RAB12: variants seen among roughly 807,000 people sequenced by gnomAD.
RAB12 encodes the protein ras-related protein Rab-12.
RAB12 carries 11 observed loss-of-function variants against 28.4 expected under a neutral mutation model. The observed-to-expected ratio is 0.39, with a 90% CI of 0.24 to 0.64. The LOEUF is 0.64. RAB12 is among the 30% of genes least tolerant of loss of function. The pLI is 0.50. For missense variants in RAB12, 276 were observed against 351.1 expected, an observed-to-expected ratio of 0.79 and a Z score of 1.71; for synonymous variants, 138 against 145.3, an observed-to-expected ratio of 0.95 and a Z score of 0.36.
At chr18:8,634,702 A>C (rs1347602646) in intron 3 of RAB12, among the ~76,000 whole-genome samples, 1 of 152,194 alleles carries the variant, frequency 6.6e-6, no homozygotes, top group African/African-American at 2.4e-5. Flanking sequence ...CCATTGCCCC[A>C]GCCCTGCGGT....
Position 8,609,969 on chromosome 18 carries a change from C to T in RAB12, c.514+16C>T, listed in dbSNP as rs531178191. 2 of 1,596,372 alleles carry T rather than the reference C, an allele frequency of 1.3e-6. No homozygotes were observed. Among genetic ancestry groups the T allele is most frequent in the South Asian group, 1.1e-5 (1 of 89,780 alleles). On this transcript the variant is annotated intron_variant, in intron 1 of 5. Coordinates refer to ENST00000649141, the MANE Select transcript of RAB12 (RefSeq NM_001025300.3). ...TCCACCGTGGGTAAGGGCGCCACGGCGACCCTGGGCCGGGCCTCCTGGCGC... is the reference window on the plus strand; with the variant it reads ...TCCACCGTGGGTAAGGGCGCCACGGTGACCCTGGGCCGGGCCTCCTGGCGC...
At chr18:8,629,822 A>G (rs1002698164) in intron 2 of RAB12, among the ~76,000 whole-genome samples, 5 of 152,048 alleles carry the variant, frequency 3.3e-5, no homozygotes, top group African/African-American at 1.2e-4. Context: ...CCTTTCAGGA[A>G]CTCCCTGCTG....
rs1000657917 is a variant in RAB12 at position 8,636,226 on chromosome 18, A to G, written c.805-27A>G. The stretch of plus-strand genomic sequence containing the variant: ...CGCTGGTCTGTGAGGCCCCACACAG[A>G]GGAAATAGGTGTGTGTTTCTTCTCA... On this transcript the variant is annotated intron_variant, in intron 4 of 5. Transcript: ENST00000649141. 7 of 1,510,482 alleles carry G rather than the reference A, an allele frequency of 4.6e-6. No homozygotes were observed. The Admixed American group carries it at 5.0e-5, about 11-fold the overall frequency. The allele number at this position is 1,510,482 out of a possible 1,614,324, so 93.6% of individuals were successfully genotyped here. A position where few individuals can be genotyped will look rare whatever the true frequency, so the allele number is the denominator to read the frequency against.
chr18:8,620,757 A>T (rs2096009463), intron 1 of RAB12, among the ~76,000 whole-genome samples: 1 of 152,172 alleles, frequency 6.6e-6, no homozygotes, highest in South Asian at 2.1e-4. Context: ...GAGGGCAGGC[A>T]CGTAGCCTGT....
At chr18:8,633,438 A>G in intron 3 of RAB12, 111 bp downstream of exon 3, 3 of 1,260,024 alleles carry the variant, frequency 2.4e-6, no homozygotes, top group East Asian at 2.3e-5. Context: ...TATAGACTAA[A>G]CATCATTTAG....
chr18:8,624,987 AT>A lies in RAB12; in HGVS notation c.566del (p.Leu189TyrfsTer28). 2 of 1,600,878 alleles carry A rather than the reference AT, an allele frequency of 1.2e-6. No homozygotes were observed. Among genetic ancestry groups the A allele is most frequent in the Non-Finnish European group, 1.7e-6 (2 of 1,168,284 alleles). Reference protein sequence around the residue: ...TVELRGKKIRLQIWDTAGQER... With the variant: ...TVELRGKKIRXQIWDTAGQER... ...TAGAGCTAAGAGGAAAGAAAATTAG[AT>A]TACAGATCTGGTAAGTGGGAGAGTG... On this transcript the variant is annotated frameshift_variant, in exon 2 of 6. Coordinates refer to ENST00000649141, the MANE Select transcript of RAB12 (RefSeq NM_001025300.3). LOFTEE classifies it high-confidence loss of function.
intron 2 of RAB12, 124 bp from the exon 3 acceptor site, chr18:8,633,065 A>G: frequency 8.4e-7 from 1 of 1,191,440 alleles, no homozygotes; most frequent in Non-Finnish European, 1.2e-6. Context: ...TCAAAGGGAA[A>G]TAGGGGTTAC....
At position 8,613,684 on chromosome 18, in the gene RAB12, C is replaced by G. The variant is rs767534; in HGVS notation, c.514+3731C>G. Among the ~76,000 whole-genome samples, 174 of 152,210 alleles carry G rather than the reference C, an allele frequency of 1.1e-3. 2 individuals are homozygous for G. The highest frequency in any genetic ancestry group is 6.8e-3 in the Middle Eastern group (2 of 294). Reference sequence around the variant, plus strand: ...TGAAATGGTTTTACCTTTTAAAAACCTACCCCCGCCCTTGCTCCAACAGCA... The same window carrying G: ...TGAAATGGTTTTACCTTTTAAAAACGTACCCCCGCCCTTGCTCCAACAGCA... On this transcript the variant is annotated intron_variant, in intron 1 of 5. Coordinates refer to ENST00000649141, the MANE Select transcript of RAB12 (RefSeq NM_001025300.3).
intron 2 of RAB12, among the ~76,000 whole-genome samples, chr18:8,630,995 TCTC>T (rs1234170223): frequency 6.6e-6 from 1 of 152,252 alleles, no homozygotes; most frequent in African/African-American, 2.4e-5. Context: ...CTCAAGCAAT[TCTC>T]CTGCCTCAGC....
At chr18:8,612,623 T>C (rs1285013323) in intron 1 of RAB12, among the ~76,000 whole-genome samples, 1 of 152,236 alleles carries the variant, frequency 6.6e-6, no homozygotes, top group Admixed American at 6.5e-5. Context: ...TAGTATTGTC[T>C]AATTCCTAGG....
At chr18:8,620,801 T>G (rs908316588) in intron 1 of RAB12, among the ~76,000 whole-genome samples, 5 of 152,056 alleles carry the variant, frequency 3.3e-5, no homozygotes, top group Non-Finnish European at 5.9e-5. Flanking sequence ...CGATGTGATA[T>G]GGGCTAGAAG....
At chr18:8,613,359 T>C (rs2096004916) in intron 1 of RAB12, among the ~76,000 whole-genome samples, 1 of 152,248 alleles carries the variant, frequency 6.6e-6, no homozygotes, top group Non-Finnish European at 1.5e-5. Flanking sequence ...CCTGGTCCAC[T>C]ATTTTCCTCA....
chr18:8,610,105 GC>G, intron 1 of RAB12, 152 bp downstream of exon 1: 1 of 587,326 alleles, frequency 1.7e-6, no homozygotes, highest in South Asian at 2.1e-5. Flanking sequence ...GGAGCGCCCT[GC>G]ATCCCAATCC....
chr18:8,625,737 G>A (rs551179339), intron 2 of RAB12, among the ~76,000 whole-genome samples: 1 of 152,328 alleles, frequency 6.6e-6, no homozygotes, highest in African/African-American at 2.4e-5. Context: ...GGTGCTCTGA[G>A]AATGCCGTTT....
chr18:8,630,983 G>A (rs28651634), intron 2 of RAB12, among the ~76,000 whole-genome samples: 18,167 of 152,282 alleles, frequency 0.12, 1,289 homozygotes, highest in Admixed American at 0.17. Context: ...CTGCCTCGCA[G>A]GCTCAAGCAA....
At chr18:8,620,109 G>A (rs2096008909) in intron 1 of RAB12, among the ~76,000 whole-genome samples, 1 of 137,622 alleles carries the variant, frequency 7.3e-6, no homozygotes, top group African/African-American at 2.7e-5. Flanking sequence ...TCCAGCCTGG[G>A]TGACAAAGCC....
chr18:8,629,433 A>T (rs538687347), intron 2 of RAB12, among the ~76,000 whole-genome samples: 1 of 152,268 alleles, frequency 6.6e-6, no homozygotes, highest in Non-Finnish European at 1.5e-5. Flanking sequence ...TGCAGTTCTG[A>T]GGCCAAAAGA....
In RAB12 at chr18:8,638,253, A is replaced by T. The variant is rs562391414; in HGVS notation, c.1014A>T (p.Arg338=). 6 of 1,611,296 alleles carry T rather than the reference A, an allele frequency of 3.7e-6. No homozygotes were observed. In the African/African-American group the frequency reaches 5.3e-5, roughly 14 times the overall value. Residue 338 remains arginine, a synonymous_variant, in exon 6 of 6, where the codon CGA becomes CGT. Transcript: ENST00000649141. ...TGCCTCCACCAAGACCACATGTCCGATGCTGTTGATTTCCTACTTTGGAGA... is the reference window on the plus strand; with the variant it reads ...TGCCTCCACCAAGACCACATGTCCGTTGCTGTTGATTTCCTACTTTGGAGA... ...PELPPPRPHV[R]CC
chr18:8,624,008 AG>A (rs2096011320), intron 1 of RAB12, among the ~76,000 whole-genome samples: 1 of 152,218 alleles, frequency 6.6e-6, no homozygotes, highest in South Asian at 2.1e-4. Context: ...ACGGGCAGTC[AG>A]GGGCATGGCC....
Sources: gnomAD v4.1 joint callset for allele counts (sites outside exome capture counted in the v4.1 genomes callset) on GRCh38, gnomAD v4.1.1 for gene constraint, MANE v1.5 for transcripts, NCBI Gene and HGNC (gene_info 2026-07-23, HGNC 2026-07-21) for gene names.